Variants in ESCO1 observed in about 807,000 individuals in gnomAD.
ESCO1 encodes the protein establishment of sister chromatid cohesion N-acetyltransferase 1, also known as N-acetyltransferase ESCO1.
A neutral mutation model predicts 83.5 loss-of-function variants in ESCO1; 33 were observed. The observed-to-expected ratio is 0.40, with a 90% CI of 0.30 to 0.53. The LOEUF is 0.53. ESCO1 is among the 20% of genes least tolerant of loss of function. ESCO1 has a pLI of 0.63. For synonymous variants in ESCO1, 332 were observed against 324.3 expected (o/e 1.02, Z -0.25); for missense variants, 855 against 968.0 (o/e 0.88, Z 1.55).
intron 1 of ESCO1, among the ~76,000 whole-genome samples, chr18:21,596,252 A>G (rs1048917221): frequency 4.6e-5 from 7 of 151,652 alleles, no homozygotes; most frequent in Admixed American, 4.6e-4. Flanking sequence ...AAAAAACAGA[A>G]AGAAACCTTT....
intron 9 of ESCO1, 148 bp downstream of exon 9, chr18:21,539,772 C>T (rs1009845507): frequency 1.0e-5 from 6 of 590,018 alleles, no homozygotes; most frequent in African/African-American, 3.8e-5. Context: ...CCCTTGAACC[C>T]GGGAGACAGA....
chr18:21,533,443 G>A (rs918742328), intron 10 of ESCO1, among the ~76,000 whole-genome samples: 2 of 151,988 alleles, frequency 1.3e-5, no homozygotes, highest in African/African-American at 2.4e-5. Flanking sequence ...TTACAGGCAC[G>A]CACCGCCATG....
At chr18:21,544,536 G>A (rs1037782397) in intron 8 of ESCO1, among the ~76,000 whole-genome samples, 1 of 151,850 alleles carries the variant, frequency 6.6e-6, no homozygotes, top group Non-Finnish European at 1.5e-5. Context: ...GGCTGAGGCA[G>A]GAGAATCACT....
chr18:21,561,137 T>A, intron 7 of ESCO1, 147 bp from the exon 8 acceptor site: 2 of 719,080 alleles, frequency 2.8e-6, no homozygotes, highest in Admixed American at 4.2e-5. Context: ...AAATAACACG[T>A]TAATCTGAAA....
chr18:21,559,787 C>T (rs983581588), intron 8 of ESCO1, among the ~76,000 whole-genome samples: 5 of 152,240 alleles, frequency 3.3e-5, no homozygotes, highest in East Asian at 1.9e-4. Flanking sequence ...TCTATGTCCA[C>T]GCACCTTATA....
chr18:21,592,174 T>C (rs1372568240), intron 1 of ESCO1, among the ~76,000 whole-genome samples: 2 of 148,594 alleles, frequency 1.3e-5, no homozygotes, highest in African/African-American at 5.0e-5. Flanking sequence ...CCGTTCTCAA[T>C]AAGCTGTTGG....
chr18:21,596,919 C>T (rs1437760499), intron 1 of ESCO1: 1 of 152,202 alleles, frequency 6.6e-6, no homozygotes, highest in African/African-American at 2.4e-5. Flanking sequence ...TCAGTTTCAA[C>T]AACTACATTA....
chr18:21,587,185 A>G (rs1393932278), intron 1 of ESCO1, among the ~76,000 whole-genome samples: 2 of 152,220 alleles, frequency 1.3e-5, no homozygotes, highest in African/African-American at 2.4e-5. Context: ...AAGAAATATT[A>G]ATCTGTAGTT....
rs377543839 is a variant in ESCO1 at position 21,536,167 on chromosome 18, T to A, written c.2062A>T (p.Met688Leu). ...TGAAAACCTAAATCATTGTCAACCA[T>A]CTCTCTAATCTCGTCAACCTGCCAA... is the stretch of plus-strand genomic sequence containing the variant. Reference protein sequence around the residue: ...ALKKVDEIREMVDNDLGFQQA... With the variant: ...ALKKVDEIRELVDNDLGFQQA... The change falls in exon 10 of 12, where the codon ATG (methionine) becomes TTG (leucine). Residue 688 changes from methionine (M) to leucine (L), a missense_variant. Met to Leu is a conservative substitution (Grantham distance 15). Coordinates refer to ENST00000269214, the MANE Select transcript of ESCO1 (RefSeq NM_052911.3). The A allele has an allele frequency of 4.3e-6, 7 of 1,611,612 alleles. No homozygotes were observed. In the African/African-American group the frequency reaches 9.4e-5, roughly 22 times the overall value.
In ESCO1 at chr18:21,558,121, G is replaced by C. The variant is rs368062726; in HGVS notation, c.1953+2738C>G. 5.9e-5 allele frequency among the ~76,000 whole-genome samples: 9 copies of C among 151,768 alleles called. No homozygotes were observed. In the East Asian group the frequency reaches 1.7e-3, roughly 29 times the overall value. The stretch of plus-strand genomic sequence containing the variant: ...CACCTCAGCCCCACCAAGAAACTGG[G>C]ACTACAGGCGCATGCCACCACGCCC... On this transcript the variant is annotated intron_variant, in intron 8 of 11. Coordinates refer to ENST00000269214, the MANE Select transcript of ESCO1 (RefSeq NM_052911.3).
intron 5 of ESCO1, among the ~76,000 whole-genome samples, chr18:21,567,437 T>A (rs1311241202): frequency 6.6e-6 from 1 of 152,066 alleles, no homozygotes; most frequent in Non-Finnish European, 1.5e-5. Context: ...AGTGCTGCGA[T>A]TACAGGCTTG....
At chr18:21,547,353 G>A (rs2037987036) in intron 8 of ESCO1, among the ~76,000 whole-genome samples, 2 of 136,584 alleles carry the variant, frequency 1.5e-5, no homozygotes, top group African/African-American at 5.3e-5. Flanking sequence ...TTACAGATTT[G>A]AAAAAAAAAA....
At chr18:21,540,809 T>G in intron 8 of ESCO1, 16 of 759,002 alleles carry the variant, frequency 2.1e-5, no homozygotes, top group South Asian at 3.5e-5. Flanking sequence ...ACAGAAGGAA[T>G]GAGCTTAACT....
Position 21,573,711 on chromosome 18 carries a change from A to C in ESCO1, c.1133T>G (p.Leu378Arg), listed in dbSNP as rs749350956. 1.2e-6 allele frequency: 2 copies of C among 1,614,148 alleles called. No individual in the cohort carries two copies. Among genetic ancestry groups the C allele is most frequent in the Non-Finnish European group, 1.7e-6 (2 of 1,180,030 alleles). Residue 378 changes from leucine to arginine, a missense_variant, in exon 4 of 12, where the codon CTA becomes CGA. By Grantham distance (102) the Leu-to-Arg change is moderately radical (BLOSUM62 -2). Coordinates refer to ENST00000269214, the MANE Select transcript of ESCO1 (RefSeq NM_052911.3). Reference sequence around the variant, plus strand: ...CTTGGCTGAGCTGTTTATTCCATTTAGTATACATTTCACAGGCTTTGTTTT... The same window carrying C: ...CTTGGCTGAGCTGTTTATTCCATTTCGTATACATTTCACAGGCTTTGTTTT... Reference protein sequence around the residue: ...SRKTKPVKCILNGINSSAKKN... With the variant: ...SRKTKPVKCIRNGINSSAKKN...
Position 21,584,728 on chromosome 18 carries a change from C to T in ESCO1, c.-824-288G>A, listed in dbSNP as rs368062590. Among the ~76,000 whole-genome samples, 100 of 152,034 alleles carry T rather than the reference C, an allele frequency of 6.6e-4. No homozygotes were observed. In the Middle Eastern group the frequency reaches 0.017, roughly 26 times the overall value. On this transcript the variant is annotated intron_variant, in intron 1 of 11. Transcript: ENST00000269214. ...CAGCTACTTCGGAGGCTGAGGTGGG[C>T]GTATCACCTGAGCCCAAGGAGATAG...
intron 4 of ESCO1, among the ~76,000 whole-genome samples, chr18:21,570,093 G>A (rs1264423601): frequency 6.6e-6 from 1 of 152,046 alleles, no homozygotes; most frequent in African/African-American, 2.4e-5. Flanking sequence ...CAATCTGAAA[G>A]GTGAAAGTCT....
intron 6 of ESCO1, among the ~76,000 whole-genome samples, chr18:21,565,768 C>G (rs1426634361): frequency 6.6e-6 from 1 of 152,038 alleles, no homozygotes; most frequent in Admixed American, 6.6e-5. Context: ...AAGACCTTCT[C>G]TCTAAAAAAA....
chr18:21,593,469 AATCGCAG>A (rs2038712712), intron 1 of ESCO1: 1 of 152,696 alleles, frequency 6.5e-6, no homozygotes, highest in Non-Finnish European at 1.5e-5. Flanking sequence ...GCGCGCCTGC[AATCGCAG>A]GCACTCGGCA....
chr18:21,588,655 G>T (rs996442582), intron 1 of ESCO1, among the ~76,000 whole-genome samples: 5 of 152,078 alleles, frequency 3.3e-5, no homozygotes, highest in Non-Finnish European at 5.9e-5. Context: ...GGTGGCTCAC[G>T]CCTGTAATAC....
Sources: gnomAD v4.1 joint callset for allele counts (sites outside exome capture counted in the v4.1 genomes callset) on GRCh38, gnomAD v4.1.1 for gene constraint, MANE v1.5 for transcripts, NCBI Gene and HGNC (gene_info 2026-07-23, HGNC 2026-07-21) for gene names.